FGGY: variants seen among roughly 807,000 people sequenced by gnomAD.
The protein encoded by FGGY is FGGY carbohydrate kinase domain-containing protein.
Under a neutral mutation model 71.3 loss-of-function variants are expected in FGGY, and 72 were observed. That is an observed-to-expected ratio of 1.01 (90% confidence interval 0.84 to 1.23). FGGY has a LOEUF of 1.23. Among genes scored for constraint, FGGY ranks in the 50% most tolerant of loss-of-function variants. FGGY has a pLI of 0.00. For synonymous variants in FGGY, 251 were observed against 250.3 expected (o/e 1.00, Z -0.02); for missense variants, 668 against 682.3 (o/e 0.98, Z 0.23).
At chr1:59,381,155 C>G (rs563663231) in intron 5 of FGGY, among the ~76,000 whole-genome samples, 78 of 152,222 alleles carry the variant, frequency 5.1e-4, no homozygotes, top group African/African-American at 1.9e-3. Context: ...GTCTATATCT[C>G]TGTTTTGGTA....
At chr1:59,329,039 T>C (rs80241729) in intron 2 of FGGY, among the ~76,000 whole-genome samples, 2 of 152,330 alleles carry the variant, frequency 1.3e-5, no homozygotes, top group African/African-American at 4.8e-5. Flanking sequence ...ACATGAGCTA[T>C]TGGAAAAATG....
intron 8 of FGGY, among the ~76,000 whole-genome samples, chr1:59,584,744 A>G (rs61788865): frequency 0.13 from 19,344 of 149,856 alleles, 2,209 homozygotes; most frequent in South Asian, 0.31. Context: ...CTGTTTGCAG[A>G]TGACATGAAT....
intron 1 of FGGY, among the ~76,000 whole-genome samples, chr1:59,319,404 T>C (rs2045992771): frequency 6.6e-6 from 1 of 152,184 alleles, no homozygotes; most frequent in Non-Finnish European, 1.5e-5. Context: ...AGTTCATTTT[T>C]TTCAGATTCA....
intron 10 of FGGY, among the ~76,000 whole-genome samples, chr1:59,633,425 A>G (rs2096927219): frequency 6.6e-6 from 1 of 151,976 alleles, no homozygotes; most frequent in South Asian, 2.1e-4. Flanking sequence ...AAATCCTCTT[A>G]TTTTCTACCT....
chr1:59,626,150 A>C, intron 10 of FGGY, 101 bp downstream of exon 10: 1 of 889,878 alleles, frequency 1.1e-6, no homozygotes, highest in Non-Finnish European at 1.8e-6. Flanking sequence ...ACAGACAATG[A>C]AAATGCCTGT....
chr1:59,710,834 C>T (rs2097788713), intron 14 of FGGY, among the ~76,000 whole-genome samples: 1 of 152,182 alleles, frequency 6.6e-6, no homozygotes, highest in Admixed American at 6.5e-5. Flanking sequence ...CACTTTTACA[C>T]TGTTTTTGGG....
In FGGY at chr1:59,550,954, T is replaced by A. The variant is rs75218572; in HGVS notation, c.800-3170T>A. On this transcript the variant is annotated intron_variant, in intron 7 of 15. Coordinates refer to ENST00000303721, the MANE Select transcript of FGGY (RefSeq NM_018291.5). ...TCTATTAAGAGGAAGAAAGAATGTT[T>A]ACCTTTTATGGATGTTGCAAAGATT... is the stretch of plus-strand genomic sequence containing the variant. Among the ~76,000 whole-genome samples, 411 of 152,312 alleles carry A rather than the reference T, an allele frequency of 2.7e-3. 1 individual carries two copies. Among genetic ancestry groups the A allele is most frequent in the Non-Finnish European group, 4.6e-3 (313 of 68,026 alleles).
At chr1:59,405,913 C>G (rs984329995) in intron 5 of FGGY, among the ~76,000 whole-genome samples, 3 of 151,092 alleles carry the variant, frequency 2.0e-5, no homozygotes, top group Non-Finnish European at 4.4e-5. Flanking sequence ...GCTTTTTCCC[C>G]TAGCTTTTTT....
intron 6 of FGGY, among the ~76,000 whole-genome samples, chr1:59,472,908 C>A (rs974489559): frequency 3.9e-5 from 6 of 152,182 alleles, no homozygotes; most frequent in Non-Finnish European, 7.3e-5. Flanking sequence ...AATCAACACT[C>A]TGTATCTAGC....
chr1:59,361,887 GA>G (rs2055610202), intron 4 of FGGY, among the ~76,000 whole-genome samples: 1 of 152,186 alleles, frequency 6.6e-6, no homozygotes, highest in Non-Finnish European at 1.5e-5. Flanking sequence ...ACTTGTCCAA[GA>G]GGGTGGGACT....
chr1:59,495,904 A>G (rs2094015314), intron 6 of FGGY, among the ~76,000 whole-genome samples: 1 of 152,172 alleles, frequency 6.6e-6, no homozygotes, highest in East Asian at 1.9e-4. Context: ...TATAGTTTGA[A>G]GTCAGGTAAT....
At chr1:59,366,633 A>G (rs2056639015) in intron 4 of FGGY, among the ~76,000 whole-genome samples, 1 of 152,200 alleles carries the variant, frequency 6.6e-6, no homozygotes, top group Admixed American at 6.5e-5. Flanking sequence ...TCCTTTGTGT[A>G]CATCTTTCTC....
intron 4 of FGGY, among the ~76,000 whole-genome samples, chr1:59,371,991 T>G (rs1469130491): frequency 1.3e-5 from 2 of 151,654 alleles, no homozygotes; most frequent in African/African-American, 4.9e-5. Flanking sequence ...ACATCACAAT[T>G]AAAAGAACTA....
intron 7 of FGGY, among the ~76,000 whole-genome samples, chr1:59,537,095 A>G (rs1570898456): frequency 6.6e-6 from 1 of 150,742 alleles, no homozygotes; most frequent in Admixed American, 6.6e-5. Context: ...TATCTAGAAA[A>G]CCCCATTGTC....
intron 8 of FGGY, among the ~76,000 whole-genome samples, chr1:59,603,364 A>G (rs771716697): frequency 6.6e-6 from 1 of 152,218 alleles, no homozygotes; most frequent in Non-Finnish European, 1.5e-5. Context: ...TGATTAAACC[A>G]AGACCAAGGA....
chr1:59,427,424 A>G (rs1350862079), intron 5 of FGGY, among the ~76,000 whole-genome samples: 1 of 152,150 alleles, frequency 6.6e-6, no homozygotes, highest in African/African-American at 2.4e-5. Flanking sequence ...GAGACACGAG[A>G]TGGCGGAGGT....
At chr1:59,352,577 C>T (rs2053513941) in intron 4 of FGGY, among the ~76,000 whole-genome samples, 2 of 151,864 alleles carry the variant, frequency 1.3e-5, no homozygotes, top group Admixed American at 1.3e-4. Flanking sequence ...AAATGATTCT[C>T]CAATTGGTAG....
intron 3 of FGGY, among the ~76,000 whole-genome samples, chr1:59,341,085 A>C (rs1398402198): frequency 2.0e-5 from 3 of 152,182 alleles, no homozygotes; most frequent in Admixed American, 2.0e-4. Context: ...AGTAGGGTAC[A>C]TTGATACACA....
chr1:59,498,107 T>C (rs546115293), intron 6 of FGGY, among the ~76,000 whole-genome samples: 38 of 152,352 alleles, frequency 2.5e-4, no homozygotes, highest in African/African-American at 9.1e-4. Flanking sequence ...TTCTTTATTG[T>C]TATTAGGAGA....
Sources: allele counts gnomAD v4.1 joint callset (sites outside exome capture counted in the v4.1 genomes callset), GRCh38; gene constraint gnomAD v4.1.1; transcripts MANE v1.5; gene names NCBI Gene and HGNC (gene_info 2026-07-23, HGNC 2026-07-21).